RPS24: variants seen among roughly 807,000 people sequenced by gnomAD.
The protein encoded by RPS24 is small ribosomal subunit protein eS24.
For synonymous variants in RPS24, 72 were observed against 55.6 expected, an observed-to-expected ratio of 1.30 and a Z score of -1.31; for missense variants, 100 against 162.5, an observed-to-expected ratio of 0.62 and a Z score of 2.09.
At chr10:78,034,103 G>C (rs1847802971) in intron 1 of RPS24, 199 bp downstream of exon 1, 1 of 672,780 alleles carries the variant, frequency 1.5e-6, no homozygotes, top group Non-Finnish European at 2.6e-6. Context: ...ACCCGGACAC[G>C]CTGGGCTTCG....
chr10:78,047,256 G>A (rs1273131668), intron 4 of RPS24, among the ~76,000 whole-genome samples: 7 of 151,940 alleles, frequency 4.6e-5, no homozygotes, highest in African/African-American at 1.7e-4. Flanking sequence ...GTGAGCCACC[G>A]CGTCCAGCCA....
At chr10:78,036,261 C>T (rs867007462) in intron 3 of RPS24, 5 of 166,634 alleles carry the variant, frequency 3.0e-5, no homozygotes, top group Non-Finnish European at 5.3e-5. Flanking sequence ...CCTTCCCATA[C>T]GATAGCTGTG....
chr10:78,035,105 G>A (rs1847834259), intron 1 of RPS24, among the ~76,000 whole-genome samples: 1 of 152,234 alleles, frequency 6.6e-6, no homozygotes, highest in African/African-American at 2.4e-5. Flanking sequence ...CTGCCCCAGA[G>A]ATACACATAA....
downstream of RPS24, among the ~76,000 whole-genome samples, chr10:78,042,225 T>C (rs913117131): frequency 6.6e-6 from 1 of 152,226 alleles, no homozygotes; most frequent in Non-Finnish European, 1.5e-5. Flanking sequence ...TATTCTCTGG[T>C]CTCCACAGCC....
intron 4 of RPS24, among the ~76,000 whole-genome samples, chr10:78,046,152 C>A (rs1410041667): frequency 6.6e-6 from 1 of 152,052 alleles, no homozygotes; most frequent in Non-Finnish European, 1.5e-5. Flanking sequence ...GCTTGGGAAG[C>A]TGGACTGAAG....
At chr10:78,052,574 A>G (rs1363675318) in intron 4 of RPS24, among the ~76,000 whole-genome samples, 1 of 152,144 alleles carries the variant, frequency 6.6e-6, no homozygotes, top group Non-Finnish European at 1.5e-5. Flanking sequence ...AGGCACCTGG[A>G]GCGAAGGCAC....
chr10:78,045,586 A>T (rs925934048), downstream of RPS24, among the ~76,000 whole-genome samples: 18 of 151,670 alleles, frequency 1.2e-4, no homozygotes, highest in Non-Finnish European at 2.5e-4. Flanking sequence ...AGTTCAAGCG[A>T]TTCTCCTGCC....
intron 4 of RPS24, chr10:78,038,097 C>A: frequency 1.8e-6 from 1 of 554,924 alleles, no homozygotes; most frequent in Non-Finnish European, 2.9e-6. Context: ...GATTATAATG[C>A]CAGTGCTATT....
At chr10:78,035,240 C>T (rs757608407) in intron 1 of RPS24, 112 bp from the exon 2 acceptor site, 12 of 1,070,238 alleles carry the variant, frequency 1.1e-5, no homozygotes, top group Non-Finnish European at 1.6e-5. Context: ...CTTTAGTTCG[C>T]TACATGACTA....
intron 4 of RPS24, chr10:78,037,625 A>G (rs1338671866): frequency 5.7e-6 from 2 of 348,910 alleles, no homozygotes; most frequent in South Asian, 2.6e-5. Context: ...AGAACCTTCA[A>G]TGCAGAGCGG....
intron 1 of RPS24, chr10:78,034,154 T>G: frequency 2.4e-6 from 1 of 425,156 alleles, no homozygotes; most frequent in Admixed American, 4.0e-5. Flanking sequence ...TTGCGCTTGT[T>G]GACTTCGTGG....
chr10:78,055,887 C>T lies in RPS24; in HGVS notation c.*877C>T, dbSNP rs372435023. 8.5e-3 allele frequency: 1,299 copies of T among 152,422 alleles called. 18 individuals carry two copies. Among genetic ancestry groups the T allele is most frequent in the African/African-American group, 0.03 (1,232 of 41,516 alleles). 9.4% of individuals were successfully genotyped at this position (152,422 alleles called of 1,614,324 possible). ...CCTGCCTCAGCCTCCTGAGTGTCTG[C>T]GATTACAGGTGCACACAACCACGCC... On this transcript the variant is annotated 3_prime_UTR_variant, in exon 5 of 5. Transcript: ENST00000440692.
Position 78,051,306 on chromosome 10 carries a change from C to G in RPS24, c.391-3225C>G, listed in dbSNP as rs368904961. On this transcript the variant is annotated intron_variant, in intron 4 of 4. Transcript: ENST00000440692. ...CTGTTTTCTGTTTTTATAAATTTGT[C>G]TATTCTGGAAACTTCATATAAATGA... Among the ~76,000 whole-genome samples the G allele has an allele frequency of 2.2e-4, 34 of 152,310 alleles. No homozygotes were observed. In the East Asian group the frequency reaches 3.1e-3, roughly 14 times the overall value.
chr10:78,048,125 A>T (rs1373350469), intron 4 of RPS24, among the ~76,000 whole-genome samples: 2 of 152,046 alleles, frequency 1.3e-5, no homozygotes, highest in East Asian at 3.9e-4. Flanking sequence ...GGATCTGTAA[A>T]CCCTGCTACA....
intron 4 of RPS24, 125 bp downstream of exon 4, chr10:78,037,429 TG>T (rs1564629346): frequency 8.4e-6 from 12 of 1,425,902 alleles, no homozygotes; most frequent in Non-Finnish European, 1.1e-5. Flanking sequence ...CCTCTTCTTC[TG>T]GATTACAGAA....
intron 1 of RPS24, 145 bp from the exon 2 acceptor site, chr10:78,035,207 C>T (rs1378701863): frequency 6.4e-6 from 5 of 776,708 alleles, no homozygotes; most frequent in African/African-American, 5.2e-5. Flanking sequence ...GTGAGTTTGG[C>T]CTTGCCCAGT....
intron 3 of RPS24, 190 bp downstream of exon 3, chr10:78,035,910 G>C: frequency 1.6e-6 from 1 of 610,164 alleles, no homozygotes; most frequent in Non-Finnish European, 2.9e-6. Flanking sequence ...TGACATTTGA[G>C]CTGAGTTCAG....
At chr10:78,038,103 C>CTATT (rs1847915877) in intron 4 of RPS24, 9 of 495,262 alleles carry the variant, frequency 1.8e-5, no homozygotes, top group South Asian at 1.8e-4. Flanking sequence ...AATGCCAGTG[C>CTATT]TATTTAGGCT....
At chr10:78,049,236 A>T (rs1848075699) in intron 4 of RPS24, 1 of 152,168 alleles carries the variant, frequency 6.6e-6, no homozygotes, top group African/African-American at 2.4e-5. Context: ...GTAACAAAAC[A>T]CTGCATGCTG....
Sources: gnomAD v4.1 joint callset for allele counts (sites outside exome capture counted in the v4.1 genomes callset) on GRCh38, gnomAD v4.1.1 for gene constraint, MANE v1.5 for transcripts, NCBI Gene and HGNC (gene_info 2026-07-23, HGNC 2026-07-21) for gene names.